The following FARS2 variants were observed in gnomAD, a reference collection of about 807,000 sequenced individuals.
FARS2 encodes phenylalanine--tRNA ligase, mitochondrial.
FARS2 carries 40 observed loss-of-function variants against 46.4 expected under a neutral mutation model. The ratio of observed to expected loss-of-function variants is 0.86; its 90% CI spans 0.67 to 1.12. The LOEUF is 1.12. Among genes scored for constraint, FARS2 ranks in the 50% most tolerant of loss-of-function variants. The pLI, the probability that FARS2 is intolerant of heterozygous loss-of-function variation, is 0.00. For missense variants in FARS2, 513 were observed against 567.9 expected, an observed-to-expected ratio of 0.90 and a Z score of 0.98; for synonymous variants, 234 against 214.9, an observed-to-expected ratio of 1.09 and a Z score of -0.78.
chr6:5,737,510 G>A (rs767732469), intron 6 of FARS2, among the ~76,000 whole-genome samples: 5 of 152,214 alleles, frequency 3.3e-5, no homozygotes, highest in African/African-American at 9.6e-5. Context: ...CAGCCTGGGC[G>A]ACAGAGCAAG....
intron 4 of FARS2, among the ~76,000 whole-genome samples, chr6:5,474,686 A>G (rs1766017204): frequency 7.5e-6 from 1 of 133,000 alleles, no homozygotes; most frequent in Non-Finnish European, 1.6e-5. Context: ...TTTTTGAGAC[A>G]GTCTCACTCT....
chr6:5,748,748 T>C (rs996917478), intron 6 of FARS2, among the ~76,000 whole-genome samples: 1 of 152,256 alleles, frequency 6.6e-6, no homozygotes, highest in Admixed American at 6.5e-5. Flanking sequence ...TGAATACTTT[T>C]CATTCACTCA....
At chr6:5,510,735 T>A (rs1218316906) in intron 4 of FARS2, among the ~76,000 whole-genome samples, 1 of 152,214 alleles carries the variant, frequency 6.6e-6, no homozygotes, top group East Asian at 1.9e-4. Context: ...TAGAACGGGT[T>A]CCCAGCCTTG....
chr6:5,427,243 G>A (rs760113625), intron 3 of FARS2, among the ~76,000 whole-genome samples: 7 of 152,200 alleles, frequency 4.6e-5, no homozygotes, highest in East Asian at 1.9e-4. Flanking sequence ...CTTTCTCACC[G>A]TATACAAACC....
chr6:5,270,219 G>A (rs1183328274), intron 1 of FARS2, among the ~76,000 whole-genome samples: 2 of 152,142 alleles, frequency 1.3e-5, no homozygotes, highest in Admixed American at 6.5e-5. Context: ...GTTTCTTGAC[G>A]TTCTGAGATA....
intron 4 of FARS2, among the ~76,000 whole-genome samples, chr6:5,444,466 CAAAAAAAAAAA>C (rs751990577): frequency 1.1e-5 from 1 of 91,478 alleles, no homozygotes; most frequent in South Asian, 4.3e-4. Flanking sequence ...GACTCTGTCT[CAAAAAAAAAAA>C]AAAAAAAAAA....
At chr6:5,330,660 G>T (rs1324889218) in intron 1 of FARS2, among the ~76,000 whole-genome samples, 1 of 152,166 alleles carries the variant, frequency 6.6e-6, no homozygotes, top group African/African-American at 2.4e-5. Context: ...TTCATTAACA[G>T]ATACCTTTGG....
chr6:5,289,104 T>G (rs1396368720), intron 1 of FARS2, among the ~76,000 whole-genome samples: 1 of 152,196 alleles, frequency 6.6e-6, no homozygotes, highest in Non-Finnish European at 1.5e-5. Flanking sequence ...TTTTTTAAAA[T>G]GGAAGAAAAT....
At chr6:5,639,066 G>A (rs1482941924) in intron 6 of FARS2, among the ~76,000 whole-genome samples, 2 of 152,236 alleles carry the variant, frequency 1.3e-5, no homozygotes, top group Non-Finnish European at 2.9e-5. Context: ...ATTGATTGAT[G>A]TAGTAGAAAG....
chr6:5,682,600 G>A (rs1221013978), intron 6 of FARS2, among the ~76,000 whole-genome samples: 2 of 152,188 alleles, frequency 1.3e-5, no homozygotes, highest in African/African-American at 4.8e-5. Context: ...TGAGCAGATG[G>A]GGCTTTTCCC....
At chr6:5,480,458 T>G (rs766185987) in intron 4 of FARS2, among the ~76,000 whole-genome samples, 5 of 152,204 alleles carry the variant, frequency 3.3e-5, no homozygotes, top group African/African-American at 1.2e-4. Context: ...TTGTATCCGG[T>G]GTTTCTTTTC....
intron 1 of FARS2, among the ~76,000 whole-genome samples, chr6:5,274,856 G>A (rs944834981): frequency 6.6e-6 from 1 of 152,218 alleles, no homozygotes; most frequent in African/African-American, 2.4e-5. Flanking sequence ...GACTACAGGT[G>A]CATGCCACCT....
At chr6:5,684,389 C>T (rs777167794) in intron 6 of FARS2, among the ~76,000 whole-genome samples, 60 of 152,278 alleles carry the variant, frequency 3.9e-4, no homozygotes, top group Non-Finnish European at 4.4e-4. Context: ...AAGAGTGAGA[C>T]CAAGGGATGA....
chr6:5,321,976 A>G (rs1054713685), intron 1 of FARS2, among the ~76,000 whole-genome samples: 1 of 152,216 alleles, frequency 6.6e-6, no homozygotes, highest in Non-Finnish European at 1.5e-5. Flanking sequence ...TTGGTGCTAA[A>G]ACCTTTTGTA....
At chr6:5,361,335 A>AT (rs1214826477) in intron 1 of FARS2, among the ~76,000 whole-genome samples, 1 of 151,954 alleles carries the variant, frequency 6.6e-6, no homozygotes, top group African/African-American at 2.4e-5. Flanking sequence ...GTGGTGTATA[A>AT]TTTTTTTTCT....
In FARS2 at chr6:5,369,619, T is replaced by G. The variant is rs978829646; in HGVS notation, c.612+437T>G. Among the ~76,000 whole-genome samples, 8 of 152,304 alleles carry G rather than the reference T, an allele frequency of 5.3e-5. No homozygotes were observed. In the East Asian group the frequency reaches 7.7e-4, roughly 15 times the overall value. On this transcript the variant is annotated intron_variant, in intron 2 of 6. Coordinates refer to ENST00000274680, the MANE Select transcript of FARS2 (RefSeq NM_006567.5). ...GAGAGAAATGAATTTCTTAGGTACCTTAGGGGCCTGATGATTTATTGGCTT... is the reference window on the plus strand; with the variant it reads ...GAGAGAAATGAATTTCTTAGGTACCGTAGGGGCCTGATGATTTATTGGCTT...
rs1582298067 is a variant in FARS2, at chr6:5,505,979, A to G, written c.905-39201A>G. 2.0e-5 allele frequency among the ~76,000 whole-genome samples: 3 copies of G among 152,318 alleles called. No homozygotes were observed. The East Asian group carries it at 5.8e-4, about 29-fold the overall frequency. ...TTCCACCTGAGTTTTAAGCAAATTA[A>G]GACATTGAAACAGGTGAAGGAAAGA... On this transcript the variant is annotated intron_variant, in intron 4 of 6. Coordinates refer to ENST00000274680, the MANE Select transcript of FARS2 (RefSeq NM_006567.5).
chr6:5,735,849 A>G (rs1046772502), intron 6 of FARS2, among the ~76,000 whole-genome samples: 1 of 152,000 alleles, frequency 6.6e-6, no homozygotes, highest in Non-Finnish European at 1.5e-5. Flanking sequence ...ACTTGCCAAA[A>G]CTCATAAGGA....
intron 6 of FARS2, among the ~76,000 whole-genome samples, chr6:5,661,450 G>GC (rs1156382690): frequency 6.6e-6 from 1 of 152,188 alleles, no homozygotes; most frequent in African/African-American, 2.4e-5. Flanking sequence ...AGAGCAAGGG[G>GC]CTTTGCATGA....
Sources: allele counts gnomAD v4.1 joint callset (sites outside exome capture counted in the v4.1 genomes callset), GRCh38; gene constraint gnomAD v4.1.1; transcripts MANE v1.5; gene names NCBI Gene and HGNC (gene_info 2026-07-23, HGNC 2026-07-21).